CCPG1: variants seen among roughly 807,000 people sequenced by gnomAD.
CCPG1 encodes cell cycle progression 1, also known as cell cycle progression protein 1.
CCPG1 carries 46 observed loss-of-function variants against 81.3 expected under a neutral mutation model. The ratio of observed to expected loss-of-function variants is 0.57; its 90% CI spans 0.45 to 0.72. CCPG1 has a LOEUF of 0.72. Ranked by LOEUF, CCPG1 falls within the 30% of genes least tolerant of loss-of-function variation. The probability of loss-of-function intolerance (pLI) is 0.00; values close to 1 mark genes in which losing one functional copy is unlikely to be tolerated. For synonymous variants in CCPG1, 330 were observed against 305.2 expected, an observed-to-expected ratio of 1.08 and a Z score of -0.85; for missense variants, 902 against 937.6, an observed-to-expected ratio of 0.96 and a Z score of 0.50.
chr15:55,359,947 G>T lies in CCPG1; in HGVS notation c.1826C>A (p.Ser609Ter), dbSNP rs754780589. The T allele has an allele frequency of 5.0e-6, 8 of 1,612,894 alleles. No homozygotes were observed. The East Asian group carries it at 1.8e-4, about 36-fold the overall frequency. ...ATCATGCCCAGGACTGCATTTCTTT[G>T]AATTTGTATTTTTTCTGAATTCTTT... ...HFKEFRKNTN[S>*]KKCSPGHDCR... is the part of the protein sequence containing the mutation. The change falls in exon 8 of 9, where the codon TCA becomes TAA. Residue 609 changes from serine to a stop codon, truncating the protein, a stop_gained. Coordinates refer to ENST00000442196, the MANE Select transcript of CCPG1 (RefSeq NM_001204450.2). LOFTEE classifies it high-confidence loss of function.
chr15:55,393,781 C>T (rs973499776), intron 1 of CCPG1, among the ~76,000 whole-genome samples: 23 of 152,092 alleles, frequency 1.5e-4, no homozygotes, highest in African/African-American at 5.1e-4. Flanking sequence ...GAAATATCCT[C>T]TCCATAGGGC....
chr15:55,401,475 T>C (rs2057127436), intron 1 of CCPG1, among the ~76,000 whole-genome samples: 1 of 152,162 alleles, frequency 6.6e-6, no homozygotes, highest in Non-Finnish European at 1.5e-5. Flanking sequence ...AAGACTAGCC[T>C]GGCCAATATG....
Position 55,380,144 on chromosome 15 carries a change from T to G in CCPG1, c.176-1768A>C, listed in dbSNP as rs191643184. 4.3e-3 allele frequency among the ~76,000 whole-genome samples: 649 copies of G among 151,180 alleles called. 7 individuals carry two copies. The highest frequency in any genetic ancestry group is 0.015 in the African/African-American group (602 of 41,328). On this transcript the variant is annotated intron_variant, in intron 3 of 8. Transcript: ENST00000442196. Reference sequence around the variant, plus strand: ...AAGAGCATAAAATATTAAGAAAAGTTAAAAATAATATAACATATAAATTTA... The same window carrying G: ...AAGAGCATAAAATATTAAGAAAAGTGAAAAATAATATAACATATAAATTTA...
At chr15:55,403,421 T>G (rs570970257) in intron 1 of CCPG1, among the ~76,000 whole-genome samples, 1 of 149,942 alleles carries the variant, frequency 6.7e-6, no homozygotes, top group Non-Finnish European at 1.5e-5. Context: ...AAAAAAAAGA[T>G]TTCAGGCTTC....
chr15:55,356,587 T>G (rs923753829), intron 8 of CCPG1, 178 bp from the exon 9 acceptor site: 25 of 1,234,724 alleles, frequency 2.0e-5, no homozygotes, highest in Non-Finnish European at 2.5e-5. Flanking sequence ...TTAGTTTTTT[T>G]GTCCTATAGA....
chr15:55,369,398 G>A (rs949054335), intron 6 of CCPG1, among the ~76,000 whole-genome samples: 1 of 152,096 alleles, frequency 6.6e-6, no homozygotes, highest in African/African-American at 2.4e-5. Context: ...AGCTGGACAT[G>A]GTGGTGCATG....
Position 55,360,870 on chromosome 15 carries a change from C to T in CCPG1, c.903G>A (p.Thr301=), listed in dbSNP as rs962803746. The T allele has an allele frequency of 1.2e-6, 2 of 1,605,340 alleles. No individual in the cohort carries two copies. Among genetic ancestry groups the T allele is most frequent in the Non-Finnish European group, 1.7e-6 (2 of 1,177,460 alleles). Residue 301 remains threonine (T), a synonymous_variant, in exon 8 of 9, where the codon ACG becomes ACA. Coordinates refer to ENST00000442196, the MANE Select transcript of CCPG1 (RefSeq NM_001204450.2). ...AATACTGATTTTCTGTAGCAAGGTT[C>T]GTTTTCTGAGTTTCAAAGGACATCT... ...AEKMSFETQK[T]NLATENQYLR...
At chr15:55,406,176 T>C (rs2057215061) in intron 1 of CCPG1, among the ~76,000 whole-genome samples, 1 of 151,904 alleles carries the variant, frequency 6.6e-6, no homozygotes, top group African/African-American at 2.4e-5. Context: ...TTATTTTCTT[T>C]TTAAAGTAAT....
chr15:55,358,531 A>G, intron 8 of CCPG1: 1 of 985,344 alleles, frequency 1.0e-6, no homozygotes, highest in South Asian at 4.7e-5. Flanking sequence ...GTATCTTCAC[A>G]TCTCCAAATG....
intron 1 of CCPG1, among the ~76,000 whole-genome samples, chr15:55,405,623 C>T (rs2057203756): frequency 6.6e-6 from 1 of 152,150 alleles, no homozygotes; most frequent in African/African-American, 2.4e-5. Flanking sequence ...GTTGGGATCA[C>T]TTGAGCCCAG....
chr15:55,369,885 T>C (rs1048294716), intron 6 of CCPG1, among the ~76,000 whole-genome samples: 2 of 152,194 alleles, frequency 1.3e-5, no homozygotes, highest in Non-Finnish European at 1.5e-5. Flanking sequence ...CCAATTTTTT[T>C]TGAAGTAAGA....
chr15:55,384,741 T>C (rs1219156787), intron 3 of CCPG1, among the ~76,000 whole-genome samples: 1 of 151,942 alleles, frequency 6.6e-6, no homozygotes, highest in Non-Finnish European at 1.5e-5. Flanking sequence ...GCATATGCTA[T>C]CGGAAAAATG....
At chr15:55,358,578 A>C (rs901398192) in intron 8 of CCPG1, 3 of 985,300 alleles carry the variant, frequency 3.0e-6, no homozygotes, top group African/African-American at 3.5e-5. Context: ...CCCTGTCTGC[A>C]TAGCAAATCC....
Position 55,360,339 on chromosome 15 carries a change from T to G in CCPG1, c.1434A>C (p.Lys478Asn). The G allele has an allele frequency of 6.2e-7, 1 of 1,613,910 alleles. No homozygotes were observed. The highest frequency in any genetic ancestry group is 8.5e-7 in the Non-Finnish European group (1 of 1,179,992). Residue 478 changes from lysine (K) to asparagine (N), a missense_variant, in exon 8 of 9, where the codon AAA becomes AAC. This residue lies in a region of CCPG1 where 746 missense variants were observed against 728.6 expected (regional missense o/e 1.02). Coordinates refer to ENST00000442196, the MANE Select transcript of CCPG1 (RefSeq NM_001204450.2). ...KKGGRGSHRA[K>N]NKSKETFLGS... ...CCAAAAATGTTTCCTTTGACTTATT[T>G]TTAGCCCTGTGGCTTCCTCTGCCCC...
Position 55,394,974 on chromosome 15 carries a change from T to A in CCPG1, c.-9-5541A>T, listed in dbSNP as rs543954779. Among the ~76,000 whole-genome samples the A allele has an allele frequency of 1.6e-4, 25 of 152,264 alleles. No homozygotes were observed. In the South Asian group the frequency reaches 5.0e-3, roughly 30 times the overall value. On this transcript the variant is annotated intron_variant, in intron 1 of 8. Transcript: ENST00000442196. ...ACATTTCTTCTCTGCTATATAGACC[T>A]CTAATTTTAGTCAGTCAGAGATGGA...
chr15:55,358,472 T>A, intron 8 of CCPG1: 1 of 985,466 alleles, frequency 1.0e-6, no homozygotes, highest in African/African-American at 1.7e-5. Flanking sequence ...GGGCCCTTCA[T>A]GGTCTGCATC....
intron 1 of CCPG1, among the ~76,000 whole-genome samples, chr15:55,397,971 C>CAT (rs1198142799): frequency 1.3e-5 from 1 of 77,094 alleles, no homozygotes; most frequent in East Asian, 3.9e-4. Context: ...AACAAGACTC[C>CAT]ATCTCAAGAA....
At chr15:55,366,679 G>A (rs763103880) in intron 6 of CCPG1, among the ~76,000 whole-genome samples, 1 of 152,136 alleles carries the variant, frequency 6.6e-6, no homozygotes, top group Non-Finnish European at 1.5e-5. Context: ...GGCTGCGGCA[G>A]GAGAATCGCT....
At chr15:55,367,775 A>G (rs922948360) in intron 6 of CCPG1, among the ~76,000 whole-genome samples, 5 of 152,162 alleles carry the variant, frequency 3.3e-5, no homozygotes, top group African/African-American at 1.2e-4. Context: ...AGCAGCTAGC[A>G]CATTTTCTAC....
Sources: gnomAD v4.1 joint callset for allele counts (sites outside exome capture counted in the v4.1 genomes callset) on GRCh38, gnomAD v4.1.1 for gene constraint, gnomAD v4.1.1 regional missense constraint, MANE v1.5 for transcripts, NCBI Gene and HGNC (gene_info 2026-07-23, HGNC 2026-07-21) for gene names.